The following SPTBN1 variants were observed in gnomAD, a reference collection of about 807,000 sequenced individuals.
SPTBN1 encodes spectrin beta, non-erythrocytic 1, also known as spectrin beta chain, non-erythrocytic 1.
SPTBN1 carries 32 observed loss-of-function variants against 266.4 expected under a neutral mutation model. The ratio of observed to expected loss-of-function variants is 0.12; its 90% CI spans 0.09 to 0.16. SPTBN1 has a LOEUF of 0.16. Among genes scored for constraint, SPTBN1 ranks in the 10% least tolerant of loss-of-function variants. SPTBN1 has a pLI of 1.00. For synonymous variants in SPTBN1, 1,336 were observed against 1,162.2 expected (o/e 1.15, Z -3.04); for missense variants, 2,296 against 3,067.1 (o/e 0.75, Z 5.94).
At position 54,659,997 on chromosome 2, in the gene SPTBN1, C is replaced by T. The variant is rs1558480230; in HGVS notation, c.6418C>T (p.Arg2140Trp). 5 of 1,614,050 alleles carry T rather than the reference C, an allele frequency of 3.1e-6. No individual in the cohort carries two copies. The highest frequency in any genetic ancestry group is 2.7e-5 in the African/African-American group (2 of 74,914). The change falls in exon 32 of 36, where the codon CGG becomes TGG. Residue 2140 changes from arginine to tryptophan, a missense_variant and splice_region_variant. Physicochemically the swap from Arg to Trp is moderately radical, Grantham distance 101. Coordinates refer to ENST00000356805, the MANE Select transcript of SPTBN1 (RefSeq NM_003128.3). ...TTTGCCAGCTGAACAGGGATCTCCA[C>T]GGGTTAGTTACCGCTCTCAAACCTA... The part of the protein sequence containing the change: ...NGLPAEQGSP[R>W]MAETVDTSEM...
intron 2 of SPTBN1, among the ~76,000 whole-genome samples, chr2:54,581,724 C>G (rs542360543): frequency 4.6e-5 from 7 of 151,972 alleles, no homozygotes; most frequent in Non-Finnish European, 8.8e-5. Flanking sequence ...ATTACTACTT[C>G]CTCCTCACTG....
intron 2 of SPTBN1, among the ~76,000 whole-genome samples, chr2:54,595,332 G>GT (rs138984083): frequency 0.016 from 2,435 of 152,288 alleles, 25 homozygotes; most frequent in Middle Eastern, 0.027. Context: ...ATAGCTGAGA[G>GT]ATACCCCCAG....
intron 1 of SPTBN1, among the ~76,000 whole-genome samples, chr2:54,497,148 T>C (rs1274998632): frequency 6.6e-6 from 1 of 152,246 alleles, no homozygotes; most frequent in East Asian, 1.9e-4. Context: ...CCTGGCTTCC[T>C]TCTTTTTTAC....
At chr2:54,654,187 C>T (rs1680496867) in intron 27 of SPTBN1, among the ~76,000 whole-genome samples, 1 of 152,188 alleles carries the variant, frequency 6.6e-6, no homozygotes, top group South Asian at 2.1e-4. Flanking sequence ...GTACCTTGGA[C>T]ATGACTAACT....
chr2:54,671,323 C>G lies in SPTBN1; in HGVS notation c.*2754C>G, dbSNP rs972249957. ...ACTGTATCAGACTGGGTGATGGGCACATTGTCATTTCACCAAGTTCCTGGA... is the reference window on the plus strand; with the variant it reads ...ACTGTATCAGACTGGGTGATGGGCAGATTGTCATTTCACCAAGTTCCTGGA... On this transcript the variant is annotated 3_prime_UTR_variant, in exon 36 of 36. Transcript: ENST00000356805. 2 of 152,266 alleles carry G rather than the reference C, an allele frequency of 1.3e-5. No homozygotes were observed. The highest frequency in any genetic ancestry group is 4.8e-5 in the African/African-American group (2 of 41,436). The allele number at this position is 152,266 out of a possible 1,614,324, so 9.4% of individuals were successfully genotyped here. A position where few individuals can be genotyped will look rare whatever the true frequency, so the allele number is the denominator to read the frequency against.
At chr2:54,651,040 A>C (rs1424487708) in intron 26 of SPTBN1, among the ~76,000 whole-genome samples, 1 of 152,228 alleles carries the variant, frequency 6.6e-6, no homozygotes, top group Admixed American at 6.5e-5. Context: ...TAGTTTAAGG[A>C]TTGAGGTGCA....
chr2:54,554,647 T>C lies in SPTBN1; in HGVS notation c.148+28081T>C, dbSNP rs1444909970. Reference sequence around the variant, plus strand: ...AGAGGCCCAGAGAACATCAGAAACATGCTCAAGATTACATAGCTCCTTGGT... The same window carrying C: ...AGAGGCCCAGAGAACATCAGAAACACGCTCAAGATTACATAGCTCCTTGGT... On this transcript the variant is annotated intron_variant, in intron 2 of 35. Coordinates refer to ENST00000356805, the MANE Select transcript of SPTBN1 (RefSeq NM_003128.3). The surrounding 1 kb of genome is among the most constrained non-coding windows in gnomAD (Gnocchi z 4.5). 6.6e-6 allele frequency among the ~76,000 whole-genome samples: 1 copy of C among 152,202 alleles called. No homozygotes were observed. The highest frequency in any genetic ancestry group is 1.5e-5 in the Non-Finnish European group (1 of 68,036).
intron 1 of SPTBN1, among the ~76,000 whole-genome samples, chr2:54,514,846 G>A (rs1670035341): frequency 6.6e-6 from 1 of 152,180 alleles, no homozygotes; most frequent in African/African-American, 2.4e-5. Flanking sequence ...CCTGGGCTTA[G>A]GCCAAACTAA....
At position 54,533,476 on chromosome 2, in the gene SPTBN1, A is replaced by C. The variant is rs1012335241; in HGVS notation, c.148+6910A>C. Among the ~76,000 whole-genome samples, 1 of 151,972 alleles carries C rather than the reference A, an allele frequency of 6.6e-6. No individual in the cohort carries two copies. Among genetic ancestry groups the C allele is most frequent in the African/African-American group, 2.4e-5 (1 of 41,356 alleles). The stretch of plus-strand genomic sequence containing the variant: ...AAGAAATCTATAAAACATGGCCTAG[A>C]ATGATCTAATTAGGAGGAGGAAACC... On this transcript the variant is annotated intron_variant, in intron 2 of 35. Transcript: ENST00000356805. The surrounding 1 kb of genome is among the most constrained non-coding windows in gnomAD (Gnocchi z 4.2).
intron 1 of SPTBN1, among the ~76,000 whole-genome samples, chr2:54,490,079 A>ATT (rs11326998): frequency 3.0e-5 from 4 of 135,426 alleles, no homozygotes; most frequent in Non-Finnish European, 4.7e-5. Flanking sequence ...AAGTTTATGA[A>ATT]TTTTTTTTTT....
chr2:54,607,668 G>A (rs1676936122), intron 3 of SPTBN1, among the ~76,000 whole-genome samples: 1 of 152,112 alleles, frequency 6.6e-6, no homozygotes, highest in East Asian at 1.9e-4. Context: ...GATGTGCATA[G>A]GTTATATCAA....
chr2:54,473,128 G>T (rs115747268), intron 1 of SPTBN1, among the ~76,000 whole-genome samples: 3,482 of 152,060 alleles, frequency 0.023, 57 homozygotes, highest in Non-Finnish European at 0.034. Context: ...GTCACTTTCC[G>T]TATTTTACAT....
At chr2:54,473,131 T>C (rs1204804829) in intron 1 of SPTBN1, among the ~76,000 whole-genome samples, 4 of 152,322 alleles carry the variant, frequency 2.6e-5, no homozygotes, top group African/African-American at 9.6e-5. Context: ...ACTTTCCGTA[T>C]TTTACATGTA....
At chr2:54,570,166 CAT>C (rs1673960973) in intron 2 of SPTBN1, among the ~76,000 whole-genome samples, 2 of 152,216 alleles carry the variant, frequency 1.3e-5, no homozygotes, top group South Asian at 4.1e-4. Context: ...TAGCCAGACT[CAT>C]ATTAACTGCC....
chr2:54,488,019 C>T (rs377763183), intron 1 of SPTBN1, among the ~76,000 whole-genome samples: 2 of 151,690 alleles, frequency 1.3e-5, no homozygotes, highest in Non-Finnish European at 2.9e-5. Context: ...TTGGTAGAGA[C>T]GGGGTTTCAC....
At chr2:54,537,987 A>G (rs1277830389) in intron 2 of SPTBN1, among the ~76,000 whole-genome samples, 1 of 152,212 alleles carries the variant, frequency 6.6e-6, no homozygotes, top group Non-Finnish European at 1.5e-5. Flanking sequence ...GTTTCCCCCA[A>G]AGGGGAAAGT....
At chr2:54,501,330 T>C (rs1473704551) in intron 1 of SPTBN1, among the ~76,000 whole-genome samples, 3 of 151,998 alleles carry the variant, frequency 2.0e-5, no homozygotes, top group Non-Finnish European at 2.9e-5. Flanking sequence ...TAGAAAGAAA[T>C]AGGTTTGTAA....
chr2:54,522,662 GA>G (rs1291769319), intron 1 of SPTBN1, among the ~76,000 whole-genome samples: 27 of 80,492 alleles, frequency 3.4e-4, no homozygotes, highest in South Asian at 7.9e-4. Context: ...GAGAGAAAGA[GA>G]GAGAGAGAGA....
chr2:54,576,074 A>ATTTTTTTTTTTTTTTTT (rs1209132160), intron 2 of SPTBN1, among the ~76,000 whole-genome samples: 2,235 of 93,672 alleles, frequency 0.024, 486 homozygotes, highest in Middle Eastern at 0.051. Flanking sequence ...TTTTTTTTTG[A>ATTTTTTTTTTTTTTTTT]GAGACAGTCT....
Sources: gnomAD v4.1 joint callset for allele counts (sites outside exome capture counted in the v4.1 genomes callset) on GRCh38, gnomAD v4.1.1 for gene constraint, Gnocchi (gnomAD v3.1) non-coding constraint, MANE v1.5 for transcripts, NCBI Gene and HGNC (gene_info 2026-07-23, HGNC 2026-07-21) for gene names.